The following BICRA variants were observed in gnomAD, a reference collection of about 807,000 sequenced individuals.
BICRA encodes BRD4 interacting chromatin remodeling complex associated protein, also known as BRD4-interacting chromatin-remodeling complex-associated protein.
In BICRA, 31 loss-of-function variants were observed where a neutral mutation model predicts 96.9. The ratio of observed to expected loss-of-function variants is 0.32; its 90% CI spans 0.24 to 0.43. The LOEUF (loss-of-function observed/expected upper bound fraction) is 0.43. Ranked by LOEUF, BICRA falls within the 20% of genes least tolerant of loss-of-function variation. The pLI, the probability that BICRA is intolerant of heterozygous loss-of-function variation, is 1.00. For missense variants in BICRA, 2,283 were observed against 2,190.3 expected, an observed-to-expected ratio of 1.04 and a Z score of -0.84; for synonymous variants, 1,350 against 1,071.8, an observed-to-expected ratio of 1.26 and a Z score of -5.07.
intron 1 of BICRA, among the ~76,000 whole-genome samples, chr19:47,627,634 A>G (rs895355): frequency 0.88 from 133,762 of 152,158 alleles, 58,954 homozygotes; most frequent in African/African-American, 0.91. Flanking sequence ...TTGCAGTTCC[A>G]CTTTGCCCCA....
intron 5 of BICRA, chr19:47,679,064 C>T: frequency 3.0e-6 from 1 of 334,928 alleles, no homozygotes; most frequent in East Asian, 4.6e-5. Flanking sequence ...CCACCCCTGA[C>T]TAATTTTTCT....
chr19:47,673,759 GA>G lies in BICRA; in HGVS notation c.83del (p.Lys28SerfsTer34). The G allele has an allele frequency of 6.2e-7, 1 of 1,613,054 alleles. No individual in the cohort carries two copies. Among genetic ancestry groups the G allele is most frequent in the Non-Finnish European group, 8.5e-7 (1 of 1,179,198 alleles). On this transcript the variant is annotated frameshift_variant and splice_region_variant, in exon 4 of 15. Transcript: ENST00000594866. LOFTEE classifies it high-confidence loss of function. ...ALNDFLHGSE[K>X]LDSDDLLDNP... ...TCAATGACTTCTTGCATGGATCCGA[GA>G]AGGTAAGCATGGGCGCAGGGAGAGG...
chr19:47,610,782 C>G (rs1346946370), intron 1 of BICRA, among the ~76,000 whole-genome samples: 1 of 152,068 alleles, frequency 6.6e-6, no homozygotes, highest in African/African-American at 2.4e-5. Flanking sequence ...TCTCCCAGCA[C>G]CTGGGGTGGG....
At chr19:47,690,963 G>A (rs1973233007) in intron 7 of BICRA, among the ~76,000 whole-genome samples, 1 of 152,168 alleles carries the variant, frequency 6.6e-6, no homozygotes, top group Non-Finnish European at 1.5e-5. Flanking sequence ...AGATGTATTA[G>A]TTATCTATTG....
intron 11 of BICRA, 128 bp downstream of exon 11, chr19:47,696,640 C>T (rs760575128): frequency 1.7e-5 from 13 of 769,752 alleles, no homozygotes; most frequent in East Asian, 2.8e-5. Flanking sequence ...CTCTTGGTAG[C>T]GATGTAGTTC....
chr19:47,689,178 T>C (rs1387422945), intron 7 of BICRA, among the ~76,000 whole-genome samples: 3 of 152,178 alleles, frequency 2.0e-5, no homozygotes, highest in African/African-American at 7.2e-5. Flanking sequence ...TATTTTGGTA[T>C]GAAGTTTCTG....
In BICRA at chr19:47,681,006, C is replaced by A; in HGVS notation, c.1836C>A (p.Thr612=). 1.4e-6 allele frequency: 2 copies of A among 1,456,798 alleles called. No homozygotes were observed. Among genetic ancestry groups the A allele is most frequent in the Non-Finnish European group, 1.8e-6 (2 of 1,113,302 alleles). The allele number at this position is 1,456,798 out of a possible 1,614,324, so 90.2% of individuals were successfully genotyped here. A position where few individuals can be genotyped will look rare whatever the true frequency, so the allele number is the denominator to read the frequency against. ...LVQPATPAAA[T]GEAAPVLTVQ... ...AGCCGGCCACCCCTGCCGCTGCCAC[C>A]GGGGAGGCCGCGCCTGTCCTCACGG... The change falls in exon 6 of 15, where the codon ACC becomes ACA. Residue 612 remains threonine, a synonymous_variant. Coordinates refer to ENST00000594866, the MANE Select transcript of BICRA (RefSeq NM_001394372.1).
At chr19:47,696,829 C>A (rs1973350810) in intron 11 of BICRA, among the ~76,000 whole-genome samples, 1 of 150,714 alleles carries the variant, frequency 6.6e-6, no homozygotes, top group Non-Finnish European at 1.5e-5. Flanking sequence ...CTGAGCCCCA[C>A]TGGGTGGGTG....
chr19:47,679,449 C>G lies in BICRA; in HGVS notation c.279C>G (p.Gly93=). The G allele has an allele frequency of 6.6e-7, 1 of 1,504,602 alleles. No individual in the cohort carries two copies. The highest frequency in any genetic ancestry group is 8.9e-7 in the Non-Finnish European group (1 of 1,125,768). 93.2% of individuals were successfully genotyped at this position (1,504,602 alleles called of 1,614,324 possible). ...CTGCGACAGGGGGCGGCGGCGGGGG[C>G]AGTGGGGGCGCTGACCAGCCCTGTG... ...GSPATGGGGG[G]SGGADQPCDI... is the part of the protein sequence containing the mutation. Residue 93 remains glycine, a synonymous_variant, in exon 6 of 15, where the codon GGC becomes GGG. Transcript: ENST00000594866.
Position 47,694,238 on chromosome 19 carries a change from C to T in BICRA, c.2407C>T (p.Pro803Ser). Reference protein sequence around the residue: ...SPHPTRPPSRPPSRPQSVSRP... With the variant: ...SPHPTRPPSRSPSRPQSVSRP... ...ACACCCCACCCGGCCCCCTTCCCGCCCACCCTCCCGGCCACAGAGTGTGTC... is the reference window on the plus strand; with the variant it reads ...ACACCCCACCCGGCCCCCTTCCCGCTCACCCTCCCGGCCACAGAGTGTGTC... Residue 803 changes from proline to serine, a missense_variant, in exon 8 of 15, where the codon CCA (proline) becomes TCA (serine). Pro to Ser is a moderately conservative substitution (Grantham distance 74). Coordinates refer to ENST00000594866, the MANE Select transcript of BICRA (RefSeq NM_001394372.1). 1 of 742,586 alleles carries T rather than the reference C, an allele frequency of 1.3e-6. No individual in the cohort carries two copies. Among genetic ancestry groups the T allele is most frequent in the Non-Finnish European group, 1.9e-6 (1 of 522,318 alleles). The allele number at this position is 742,586 out of a possible 1,614,324, so 46.0% of individuals were successfully genotyped here.
chr19:47,661,208 C>T (rs1265361862), intron 1 of BICRA, among the ~76,000 whole-genome samples: 6 of 13,844 alleles, frequency 4.3e-4, no homozygotes, highest in Admixed American at 2.7e-3. Context: ...AGCGAGACTC[C>T]GTCTCAAAAA....
At chr19:47,633,446 C>A (rs890904169) in intron 1 of BICRA, among the ~76,000 whole-genome samples, 3 of 152,006 alleles carry the variant, frequency 2.0e-5, no homozygotes, top group African/African-American at 7.2e-5. Context: ...CTCCAGTATT[C>A]CTCCCCTCAG....
intron 1 of BICRA, among the ~76,000 whole-genome samples, chr19:47,651,337 C>T (rs1465140763): frequency 6.6e-6 from 1 of 152,112 alleles, no homozygotes; most frequent in African/African-American, 2.4e-5. Context: ...GTCCCTGAGG[C>T]GCCCACGTGA....
intron 2 of BICRA, among the ~76,000 whole-genome samples, chr19:47,670,794 C>T (rs575569134): frequency 2.7e-4 from 41 of 152,356 alleles, no homozygotes; most frequent in African/African-American, 9.1e-4. Context: ...AGATTCTTTG[C>T]AGACCATGCC....
chr19:47,626,607 C>T (rs549700906), intron 1 of BICRA, among the ~76,000 whole-genome samples: 4 of 146,290 alleles, frequency 2.7e-5, no homozygotes, highest in Admixed American at 2.1e-4. Flanking sequence ...AGGGTCTTGC[C>T]ATGTTGCCCA....
chr19:47,631,509 T>G (rs1268802480), intron 1 of BICRA, among the ~76,000 whole-genome samples: 1 of 152,078 alleles, frequency 6.6e-6, no homozygotes, highest in Admixed American at 6.6e-5. Context: ...ATTATAGGCA[T>G]GAGCCACCAC....
chr19:47,680,404 T>C lies in BICRA; in HGVS notation c.1234T>C (p.Ser412Pro), dbSNP rs1323877110. The C allele has an allele frequency of 1.9e-5, 29 of 1,534,254 alleles. No homozygotes were observed. Among genetic ancestry groups the C allele is most frequent in the Non-Finnish European group, 2.4e-5 (27 of 1,145,358 alleles). ...AGKAGQNVVLSGFPAPALQAN... is the reference protein window; with the variant it reads ...AGKAGQNVVLPGFPAPALQAN... ...GAAGGCGGGCCAGAACGTGGTGCTG[T>C]CGGGCTTCCCCGCGCCTGCGCTGCA... The change falls in exon 6 of 15, where the codon TCG becomes CCG. Residue 412 changes from serine to proline, a missense_variant. Physicochemically the swap from Ser to Pro is moderately conservative, Grantham distance 74. Coordinates refer to ENST00000594866, the MANE Select transcript of BICRA (RefSeq NM_001394372.1).
intron 1 of BICRA, among the ~76,000 whole-genome samples, chr19:47,650,925 C>T (rs1359249828): frequency 6.6e-6 from 1 of 152,180 alleles, no homozygotes; most frequent in African/African-American, 2.4e-5. Context: ...ATCTTGACAC[C>T]ATCTGCCTGG....
At position 47,695,363 on chromosome 19, in the gene BICRA, AGG is replaced by A; in HGVS notation, c.3077-1_3077del. The A allele has an allele frequency of 2.8e-6, 1 of 354,860 alleles. No individual in the cohort carries two copies. Among genetic ancestry groups the A allele is most frequent in the Non-Finnish European group, 4.6e-6 (1 of 218,678 alleles). 22.0% of individuals were successfully genotyped at this position (354,860 alleles called of 1,614,324 possible). A position where few individuals can be genotyped will look rare whatever the true frequency, so the allele number is the denominator to read the frequency against. On this transcript the variant is annotated splice_acceptor_variant and coding_sequence_variant, in exon 10 of 15. Transcript: ENST00000594866. LOFTEE classifies it high-confidence loss of function. ...TGTCTCCCCCACCCCACCCACCCCCAGGCCTCCCTCCTCTGCTTCCAGCCGAG... is the reference window on the plus strand; with the variant it reads ...TGTCTCCCCCACCCCACCCACCCCCACCTCCCTCCTCTGCTTCCAGCCGAG...
Sources: gnomAD v4.1 joint callset for allele counts (sites outside exome capture counted in the v4.1 genomes callset) on GRCh38, gnomAD v4.1.1 for gene constraint, MANE v1.5 for transcripts, NCBI Gene and HGNC (gene_info 2026-07-23, HGNC 2026-07-21) for gene names.